The following IGFBP7 variants were observed in gnomAD, a reference collection of about 807,000 sequenced individuals.
IGFBP7 encodes the protein insulin-like growth factor-binding protein 7.
Under a neutral mutation model 29.4 loss-of-function variants are expected in IGFBP7, and 31 were observed. The ratio of observed to expected loss-of-function variants is 1.05; its 90% CI spans 0.79 to 1.42. IGFBP7 has a LOEUF of 1.42. Among genes scored for constraint, IGFBP7 ranks in the 40% most tolerant of loss-of-function variants. The pLI, the probability that IGFBP7 is intolerant of heterozygous loss-of-function variation, is 0.00. For missense variants in IGFBP7, 393 were observed against 395.5 expected, an observed-to-expected ratio of 0.99 and a Z score of 0.05; for synonymous variants, 172 against 174.9, an observed-to-expected ratio of 0.98 and a Z score of 0.13.
intron 1 of IGFBP7, among the ~76,000 whole-genome samples, chr4:57,056,345 T>G (rs1424309500): frequency 6.6e-6 from 1 of 152,216 alleles, no homozygotes; most frequent in Non-Finnish European, 1.5e-5. Context: ...AGAATGCTCC[T>G]CTTACGCTAG....
chr4:57,033,429 AGCAT>A, intron 2 of IGFBP7, 118 bp from the exon 3 acceptor site: 1 of 770,400 alleles, frequency 1.3e-6, no homozygotes, highest in South Asian at 1.4e-5. Context: ...GAGTAAACCC[AGCAT>A]TTCACTGAAC....
At chr4:57,074,530 T>G (rs1389655424) in intron 1 of IGFBP7, among the ~76,000 whole-genome samples, 1 of 152,224 alleles carries the variant, frequency 6.6e-6, no homozygotes, top group African/African-American at 2.4e-5. Context: ...TCTCCTCACA[T>G]GAGACACAAA....
intron 1 of IGFBP7, among the ~76,000 whole-genome samples, chr4:57,076,085 C>T (rs183860229): frequency 5.3e-5 from 8 of 152,236 alleles, no homozygotes; most frequent in Admixed American, 4.6e-4. Context: ...GATCAGGGTG[C>T]GAGCATGGTA....
intron 1 of IGFBP7, among the ~76,000 whole-genome samples, chr4:57,052,193 T>G (rs1724520902): frequency 6.6e-6 from 1 of 151,960 alleles, no homozygotes; most frequent in African/African-American, 2.4e-5. Flanking sequence ...AGGGGAAGAC[T>G]TGGGGGATTA....
intron 1 of IGFBP7, among the ~76,000 whole-genome samples, chr4:57,094,274 CCTGAG>C (rs1725708501): frequency 6.6e-6 from 1 of 152,124 alleles, no homozygotes; most frequent in Non-Finnish European, 1.5e-5. Flanking sequence ...AACCTTGTGT[CCTGAG>C]CTAAAAGATG....
chr4:57,042,426 G>A (rs1421184801), intron 1 of IGFBP7, among the ~76,000 whole-genome samples: 2 of 152,054 alleles, frequency 1.3e-5, no homozygotes, highest in Non-Finnish European at 1.5e-5. Flanking sequence ...CTTGGCTCAC[G>A]GCAACCTCCG....
At position 57,068,635 on chromosome 4, in the gene IGFBP7, G is replaced by T. The variant is rs370729125; in HGVS notation, c.476-27702C>A. 2.6e-5 allele frequency among the ~76,000 whole-genome samples: 4 copies of T among 152,242 alleles called. No individual in the cohort carries two copies. In the East Asian group the frequency reaches 7.7e-4, roughly 29 times the overall value. On this transcript the variant is annotated intron_variant, in intron 1 of 4. Transcript: ENST00000295666. ...ATTATTTTCCACAGAAAAAATAAAA[G>T]AAAATATCAAAAGATGGGAACTGGC...
chr4:57,099,554 T>C (rs958702519), intron 1 of IGFBP7, among the ~76,000 whole-genome samples: 5 of 152,296 alleles, frequency 3.3e-5, no homozygotes, highest in Non-Finnish European at 7.4e-5. Flanking sequence ...GTTACCTTAG[T>C]GATTCTTTTC....
chr4:57,097,405 A>T (rs929014581), intron 1 of IGFBP7, among the ~76,000 whole-genome samples: 1 of 152,210 alleles, frequency 6.6e-6, no homozygotes, highest in African/African-American at 2.4e-5. Flanking sequence ...AGTTTCCACG[A>T]ATTTTCTTTT....
chr4:57,066,890 A>C (rs181802076), intron 1 of IGFBP7, among the ~76,000 whole-genome samples: 4 of 152,090 alleles, frequency 2.6e-5, no homozygotes, highest in East Asian at 1.9e-4. Context: ...AGAAAAAAAA[A>C]CTGAATAATA....
At chr4:57,094,352 C>T (rs1725711071) in intron 1 of IGFBP7, among the ~76,000 whole-genome samples, 1 of 152,126 alleles carries the variant, frequency 6.6e-6, no homozygotes, top group East Asian at 1.9e-4. Flanking sequence ...AGAGAGATGA[C>T]AGGCGTGGTT....
chr4:57,109,802 C>T (rs905052017), intron 1 of IGFBP7, 75 bp downstream of exon 1: 5 of 1,460,842 alleles, frequency 3.4e-6, no homozygotes, highest in East Asian at 2.7e-5. Flanking sequence ...GCGAGGCCGC[C>T]GCGGACGCCC....
chr4:57,104,256 C>G (rs1330624112), intron 1 of IGFBP7, among the ~76,000 whole-genome samples: 1 of 152,132 alleles, frequency 6.6e-6, no homozygotes, highest in Non-Finnish European at 1.5e-5. Context: ...CCTTCTAACT[C>G]TACCACAACC....
At chr4:57,042,907 G>A (rs1186467222) in intron 1 of IGFBP7, among the ~76,000 whole-genome samples, 1 of 152,158 alleles carries the variant, frequency 6.6e-6, no homozygotes, top group Non-Finnish European at 1.5e-5. Context: ...AGACATTATG[G>A]GAAAGTCTCA....
At chr4:57,058,369 T>C (rs1276648570) in intron 1 of IGFBP7, among the ~76,000 whole-genome samples, 3 of 152,124 alleles carry the variant, frequency 2.0e-5, no homozygotes, top group African/African-American at 7.2e-5. Context: ...AGGGCTACAG[T>C]AACCAAAACA....
chr4:57,068,841 C>T (rs1321578466), intron 1 of IGFBP7, among the ~76,000 whole-genome samples: 1 of 152,016 alleles, frequency 6.6e-6, no homozygotes, highest in African/African-American at 2.4e-5. Context: ...TGACTGATAG[C>T]TGGAGCATGC....
chr4:57,037,547 G>A (rs747694715), intron 2 of IGFBP7, among the ~76,000 whole-genome samples: 2 of 151,796 alleles, frequency 1.3e-5, no homozygotes, highest in Non-Finnish European at 2.9e-5. Flanking sequence ...AGCCTCAACT[G>A]CCTTGGTGTT....
chr4:57,107,939 A>T (rs1726076368), intron 1 of IGFBP7, among the ~76,000 whole-genome samples: 1 of 152,228 alleles, frequency 6.6e-6, no homozygotes, highest in Non-Finnish European at 1.5e-5. Flanking sequence ...GAAATTGACA[A>T]CACTTGAACA....
chr4:57,080,886 C>T (rs894945641), intron 1 of IGFBP7, among the ~76,000 whole-genome samples: 6 of 152,218 alleles, frequency 3.9e-5, no homozygotes, highest in East Asian at 1.9e-4. Flanking sequence ...GTCACAAAAA[C>T]GACCTGCAGC....
Sources: gnomAD v4.1 joint callset for allele counts (sites outside exome capture counted in the v4.1 genomes callset) on GRCh38, gnomAD v4.1.1 for gene constraint, MANE v1.5 for transcripts, NCBI Gene and HGNC (gene_info 2026-07-23, HGNC 2026-07-21) for gene names.